SLC25A16: variants seen among roughly 807,000 people sequenced by gnomAD.
SLC25A16 encodes solute carrier family 25 member 16, also known as mitochondrial coenzyme A transporter SLC25A16.
SLC25A16 carries 39 observed loss-of-function variants against 41.5 expected under a neutral mutation model. The observed-to-expected ratio is 0.94, with a 90% CI of 0.73 to 1.23. The LOEUF (loss-of-function observed/expected upper bound fraction) is 1.23. Ranked by LOEUF, SLC25A16 falls within the 50% of genes most tolerant of loss-of-function variation. The probability of loss-of-function intolerance (pLI) is 0.00; values close to 1 mark genes in which losing one functional copy is unlikely to be tolerated. For synonymous variants in SLC25A16, 146 were observed against 147.8 expected (o/e 0.99, Z 0.09); for missense variants, 421 against 426.9 (o/e 0.99, Z 0.12).
chr10:68,498,762 C>T (rs1181099097), intron 4 of SLC25A16, among the ~76,000 whole-genome samples: 3 of 152,158 alleles, frequency 2.0e-5, no homozygotes, highest in Non-Finnish European at 2.9e-5. Flanking sequence ...CCTCAAAGTA[C>T]AGTGAGCACG....
At chr10:68,501,353 A>G (rs2052841602) in intron 4 of SLC25A16, among the ~76,000 whole-genome samples, 1 of 152,102 alleles carries the variant, frequency 6.6e-6, no homozygotes, top group South Asian at 2.1e-4. Flanking sequence ...TTTCCTCATA[A>G]TATTGTCCTG....
At chr10:68,486,231 C>CAAA (rs569434507) in intron 8 of SLC25A16, among the ~76,000 whole-genome samples, 1 of 85,058 alleles carries the variant, frequency 1.2e-5, no homozygotes, top group Non-Finnish European at 2.5e-5. Flanking sequence ...AAAAACAAAA[C>CAAA]AAAAAAAAAA....
chr10:68,492,937 T>C (rs2052684083), intron 6 of SLC25A16, among the ~76,000 whole-genome samples, 195 bp downstream of exon 6: 2 of 146,012 alleles, frequency 1.4e-5, no homozygotes, highest in Admixed American at 1.4e-4. Context: ...AAGAAAAAGA[T>C]GTAAAGTACT....
At chr10:68,506,864 A>G (rs913648770) in intron 2 of SLC25A16, 146 bp from the exon 3 acceptor site, 3 of 493,266 alleles carry the variant, frequency 6.1e-6, no homozygotes, top group Admixed American at 4.0e-5. Context: ...TCTATAAAAC[A>G]GTTAAACCTA....
In SLC25A16 at chr10:68,493,734, C is replaced by T. The variant is rs115969253; in HGVS notation, c.422-164G>A. ...TACCATATCATTAGATGGAAAACAACCTAGTAAGTGAAGGGTCAGTTTGTA... is the reference window on the plus strand; with the variant it reads ...TACCATATCATTAGATGGAAAACAATCTAGTAAGTGAAGGGTCAGTTTGTA... On this transcript the variant is annotated intron_variant, in intron 4 of 8. Coordinates refer to ENST00000609923, the MANE Select transcript of SLC25A16 (RefSeq NM_152707.4). 3.7e-3 allele frequency among the ~76,000 whole-genome samples: 559 copies of T among 152,172 alleles called. 6 individuals carry two copies. The highest frequency in any genetic ancestry group is 0.013 in the African/African-American group (536 of 41,516).
At position 68,520,002 on chromosome 10, in the gene SLC25A16, G is replaced by C. The variant is rs937168884; in HGVS notation, c.131-3159C>G. Among the ~76,000 whole-genome samples, 4 of 144,362 alleles carry C rather than the reference G, an allele frequency of 2.8e-5. No homozygotes were observed. In the Admixed American group the frequency reaches 2.8e-4, roughly 10 times the overall value. The allele number at this position is 144,362 out of a possible 152,430, so 94.7% of individuals were successfully genotyped here. On this transcript the variant is annotated intron_variant, in intron 1 of 8. Transcript: ENST00000609923. The stretch of plus-strand genomic sequence containing the variant: ...TTTTTTTTTTTTTTCCAGGGCTGGA[G>C]TGCAATGGTGCGATCTCGGCTCACT...
At chr10:68,516,616 CTAAT>C (rs2133586829) in intron 2 of SLC25A16, 131 bp downstream of exon 2, 1 of 548,596 alleles carries the variant, frequency 1.8e-6, no homozygotes, top group African/African-American at 1.9e-5. Context: ...CTATTTATTC[CTAAT>C]TAAATGGGGA....
At chr10:68,519,137 A>G (rs1458060414) in intron 1 of SLC25A16, among the ~76,000 whole-genome samples, 2 of 151,604 alleles carry the variant, frequency 1.3e-5, no homozygotes, top group South Asian at 2.1e-4. Context: ...GGTTGTGGTG[A>G]GCCGAGATCA....
At chr10:68,487,521 A>C (rs1306410032) in intron 7 of SLC25A16, among the ~76,000 whole-genome samples, 2 of 152,194 alleles carry the variant, frequency 1.3e-5, no homozygotes, top group Non-Finnish European at 2.9e-5. Flanking sequence ...ATTGTTGAAC[A>C]CTAATATACA....
At chr10:68,503,605 A>C in intron 4 of SLC25A16, 27 bp downstream of exon 4, 1 of 1,429,444 alleles carries the variant, frequency 7.0e-7, no homozygotes, top group Non-Finnish European at 9.7e-7. Flanking sequence ...AATTTGTCAG[A>C]AATAAAATAT....
chr10:68,504,013 G>A (rs1042243472), intron 3 of SLC25A16, among the ~76,000 whole-genome samples: 12 of 136,018 alleles, frequency 8.8e-5, no homozygotes, highest in Non-Finnish European at 1.7e-4. Flanking sequence ...GGAATAAACT[G>A]CTACTTTTTT....
At position 68,483,600 on chromosome 10, in the gene SLC25A16, T is replaced by C. The variant is rs1159398319; in HGVS notation, c.843-12A>G. The C allele has an allele frequency of 1.3e-6, 2 of 1,575,036 alleles. No homozygotes were observed. On this transcript the variant is annotated splice_polypyrimidine_tract_variant and intron_variant, in intron 8 of 8. Transcript: ENST00000609923. ...TATCCCGCATGGTACTGAAAGACAA[T>C]GATTAAATGATGACCTCTATGCCCA...
intron 3 of SLC25A16, among the ~76,000 whole-genome samples, chr10:68,504,319 ATTTTTTATTTTAT>A (rs1293021332): frequency 6.8e-6 from 1 of 147,282 alleles, no homozygotes; most frequent in Non-Finnish European, 1.5e-5. Flanking sequence ...ACCCAGCCTA[ATTTTTTATTTTAT>A]TTTTTAAATG....
At chr10:68,523,182 C>T (rs2053275920) in intron 1 of SLC25A16, among the ~76,000 whole-genome samples, 1 of 151,980 alleles carries the variant, frequency 6.6e-6, no homozygotes, top group Admixed American at 6.6e-5. Context: ...CTCCGCCTCT[C>T]GCGTTCAAGT....
intron 1 of SLC25A16, among the ~76,000 whole-genome samples, chr10:68,523,220 G>A (rs1250838680): frequency 6.6e-6 from 1 of 152,008 alleles, no homozygotes; most frequent in Non-Finnish European, 1.5e-5. Context: ...CTCCTGAGTA[G>A]CTGGGACTAC....
intron 2 of SLC25A16, among the ~76,000 whole-genome samples, chr10:68,513,612 G>A (rs1027231040): frequency 6.6e-5 from 10 of 152,082 alleles, no homozygotes; most frequent in Non-Finnish European, 2.9e-5. Context: ...CACAGTGCCC[G>A]CGCGTGGTGG....
chr10:68,484,880 T>G (rs2052533539), intron 8 of SLC25A16, among the ~76,000 whole-genome samples: 2 of 152,104 alleles, frequency 1.3e-5, no homozygotes, highest in Non-Finnish European at 2.9e-5. Context: ...TCTGGAGCTG[T>G]GCTATACAAT....
chr10:68,494,624 C>G lies in SLC25A16; in HGVS notation c.422-1054G>C, dbSNP rs2052719046. Among the ~76,000 whole-genome samples, 3 of 149,346 alleles carry G rather than the reference C, an allele frequency of 2.0e-5. No individual in the cohort carries two copies. The South Asian group carries it at 6.5e-4, about 32-fold the overall frequency. ...AGCTAGGCATGCTCACGCCTGTAGTCCCAACACTTTGGGAGGCTGAGGTGG... is the reference window on the plus strand; with the variant it reads ...AGCTAGGCATGCTCACGCCTGTAGTGCCAACACTTTGGGAGGCTGAGGTGG... On this transcript the variant is annotated intron_variant, in intron 4 of 8. Coordinates refer to ENST00000609923, the MANE Select transcript of SLC25A16 (RefSeq NM_152707.4).
chr10:68,515,230 G>A (rs1198335116), intron 2 of SLC25A16, among the ~76,000 whole-genome samples: 1 of 150,658 alleles, frequency 6.6e-6, no homozygotes, highest in Admixed American at 6.6e-5. Flanking sequence ...GGTGGTGCAT[G>A]CCTGTAATCC....
Sources: gnomAD v4.1 joint callset for allele counts (sites outside exome capture counted in the v4.1 genomes callset) on GRCh38, gnomAD v4.1.1 for gene constraint, MANE v1.5 for transcripts, NCBI Gene and HGNC (gene_info 2026-07-23, HGNC 2026-07-21) for gene names.